SLF1: variants seen among roughly 807,000 people sequenced by gnomAD.
SLF1 encodes SMC5/6 complex localization factor 1.
A neutral mutation model predicts 123.0 loss-of-function variants in SLF1; 105 were observed. The ratio of observed to expected loss-of-function variants is 0.85; its 90% CI spans 0.73 to 1.00. SLF1 has a LOEUF of 1.00. SLF1 is among the 50% of genes least tolerant of loss of function. The pLI, the probability that SLF1 is intolerant of heterozygous loss-of-function variation, is 0.00. For synonymous variants in SLF1, 434 were observed against 406.6 expected (o/e 1.07, Z -0.81); for missense variants, 1,239 against 1,223.0 (o/e 1.01, Z -0.20).
At chr5:94,685,209 C>T (rs1752276345) in intron 15 of SLF1, among the ~76,000 whole-genome samples, 1 of 152,158 alleles carries the variant, frequency 6.6e-6, no homozygotes, top group Non-Finnish European at 1.5e-5. Context: ...AGAATTCCAC[C>T]CCTGAATAGA....
chr5:94,651,610 C>T, intron 6 of SLF1, 92 bp from the exon 7 acceptor site: 1 of 1,041,552 alleles, frequency 9.6e-7, no homozygotes, highest in African/African-American at 1.7e-5. Flanking sequence ...ATCTATGTTC[C>T]TGGATGGGTT....
intron 13 of SLF1, 138 bp downstream of exon 13, chr5:94,670,417 A>T: frequency 2.5e-6 from 2 of 811,896 alleles, no homozygotes; most frequent in South Asian, 6.3e-5. Flanking sequence ...TTTTTAAAAC[A>T]TATTTCCAGA....
intron 12 of SLF1, among the ~76,000 whole-genome samples, chr5:94,666,694 T>G (rs1283719792): frequency 6.6e-6 from 1 of 152,198 alleles, no homozygotes; most frequent in Non-Finnish European, 1.5e-5. Context: ...TGGAGTGCAG[T>G]GGCCTGATCT....
intron 14 of SLF1, among the ~76,000 whole-genome samples, chr5:94,676,424 T>G (rs955803881): frequency 1.3e-5 from 2 of 152,152 alleles, no homozygotes; most frequent in Non-Finnish European, 2.9e-5. Context: ...TCAGACCTGC[T>G]GCTGGTTTCC....
chr5:94,681,479 C>T (rs1241981151), intron 15 of SLF1, among the ~76,000 whole-genome samples: 1 of 152,080 alleles, frequency 6.6e-6, no homozygotes, highest in East Asian at 1.9e-4. Context: ...TAATATTTTT[C>T]TATTTTCTTT....
intron 12 of SLF1, among the ~76,000 whole-genome samples, chr5:94,669,227 A>G (rs1320404018): frequency 6.6e-6 from 1 of 152,180 alleles, no homozygotes; most frequent in African/African-American, 2.4e-5. Flanking sequence ...GACAGTTTTC[A>G]GAAAGACTGA....
At chr5:94,635,337 CTTTTTTT>C (rs34524874) in intron 4 of SLF1, among the ~76,000 whole-genome samples, 695 of 43,914 alleles carry the variant, frequency 0.016, 6 homozygotes, top group African/African-American at 0.059. Flanking sequence ...ACATACTCGG[CTTTTTTT>C]TTTTTTTTTT....
At chr5:94,680,155 T>C (rs1751599515) in intron 15 of SLF1, among the ~76,000 whole-genome samples, 1 of 152,202 alleles carries the variant, frequency 6.6e-6, no homozygotes, top group Admixed American at 6.5e-5. Flanking sequence ...ATCAATCACT[T>C]TAATACTTTG....
At chr5:94,675,644 T>A (rs2152492062) in intron 14 of SLF1, among the ~76,000 whole-genome samples, 1 of 152,252 alleles carries the variant, frequency 6.6e-6, no homozygotes, top group South Asian at 2.1e-4. Flanking sequence ...TCTTTTCATA[T>A]AAAAACTTAC....
chr5:94,667,906 G>A (rs1749992815), intron 12 of SLF1, among the ~76,000 whole-genome samples: 1 of 151,532 alleles, frequency 6.6e-6, no homozygotes, highest in South Asian at 2.1e-4. Context: ...GTGCTCCCAC[G>A]CCTGGCTAGT....
At chr5:94,665,413 A>T (rs141848335) in intron 11 of SLF1, among the ~76,000 whole-genome samples, 236 of 152,212 alleles carry the variant, frequency 1.6e-3, no homozygotes, top group African/African-American at 5.4e-3. Flanking sequence ...TGATGCTTCC[A>T]TCTGCTCTCC....
chr5:94,628,683 C>T, intron 1 of SLF1, 128 bp from the exon 2 acceptor site: 1 of 516,460 alleles, frequency 1.9e-6, no homozygotes. Context: ...AACAGCTGTG[C>T]CTAACATCTT....
chr5:94,633,083 T>C (rs1243816489), intron 4 of SLF1, among the ~76,000 whole-genome samples: 1 of 152,016 alleles, frequency 6.6e-6, no homozygotes, highest in Non-Finnish European at 1.5e-5. Context: ...CTCTGCCTCC[T>C]GGGTTCAAAC....
At chr5:94,689,739 G>T in intron 18 of SLF1, 133 bp downstream of exon 18, 1 of 717,758 alleles carries the variant, frequency 1.4e-6, no homozygotes, top group Non-Finnish European at 2.2e-6. Flanking sequence ...GTACCTTCTT[G>T]GATAACGTAT....
At chr5:94,642,140 A>T (rs1247782354) in intron 4 of SLF1, among the ~76,000 whole-genome samples, 1 of 152,224 alleles carries the variant, frequency 6.6e-6, no homozygotes, top group East Asian at 1.9e-4. Context: ...TCTTATTCTT[A>T]CCCAAATAAC....
At chr5:94,686,395 T>C (rs1483531865) in intron 15 of SLF1, among the ~76,000 whole-genome samples, 178 bp from the exon 16 acceptor site, 1 of 152,218 alleles carries the variant, frequency 6.6e-6, no homozygotes, top group Non-Finnish European at 1.5e-5. Flanking sequence ...AAATATTTTC[T>C]CTTAAAAGTC....
intron 11 of SLF1, among the ~76,000 whole-genome samples, chr5:94,664,395 A>G (rs1749507538): frequency 6.6e-6 from 1 of 152,176 alleles, no homozygotes; most frequent in Admixed American, 6.5e-5. Flanking sequence ...CCTGGGCTCA[A>G]GTAGTCCCCC....
intron 13 of SLF1, 57 bp downstream of exon 13, chr5:94,670,336 A>G (rs1337798598): frequency 8.4e-6 from 9 of 1,066,696 alleles, no homozygotes; most frequent in Admixed American, 4.1e-5. Flanking sequence ...TTTATGCACC[A>G]TTTTTTTTTT....
chr5:94,639,029 TTTC>T (rs1746136651), intron 4 of SLF1, among the ~76,000 whole-genome samples: 1 of 145,706 alleles, frequency 6.9e-6, no homozygotes, highest in South Asian at 2.1e-4. Context: ...TCTCTTTTCT[TTTC>T]TTCCCTTTTT....
Sources: gnomAD v4.1 joint callset for allele counts (sites outside exome capture counted in the v4.1 genomes callset) on GRCh38, gnomAD v4.1.1 for gene constraint, MANE v1.5 for transcripts, NCBI Gene and HGNC (gene_info 2026-07-23, HGNC 2026-07-21) for gene names.